Variants in NOL9 observed in about 807,000 individuals in gnomAD.
NOL9 encodes nucleolar protein 9.
Under a neutral mutation model 67.9 loss-of-function variants are expected in NOL9, and 28 were observed. The ratio of observed to expected loss-of-function variants is 0.41; its 90% confidence interval spans 0.31 to 0.57. NOL9 has a LOEUF of 0.57. NOL9 is among the 20% of genes least tolerant of loss of function. The pLI is 0.25. For missense variants in NOL9, 777 were observed against 897.0 expected (o/e 0.87, Z 1.71); for synonymous variants, 356 against 352.2 (o/e 1.01, Z -0.12).
intron 3 of NOL9, among the ~76,000 whole-genome samples, chr1:6,546,095 T>C (rs977982425): frequency 6.6e-6 from 1 of 152,020 alleles, no homozygotes; most frequent in Non-Finnish European, 1.5e-5. Flanking sequence ...ATCAAGAATA[T>C]CTAACAAAAT....
Position 6,554,495 on chromosome 1 carries a change from T to A in NOL9, c.8A>T (p.Asp3Val), listed in dbSNP as rs746683002. MA[D>V]SGLLLKRGSC... ...ACCCCGCTTTAGCAGCAGTCCCGAG[T>A]CCGCCATGCTGGGTCCTCAGGGCCT... Residue 3 changes from aspartate (D) to valine (V), a missense_variant, in exon 1 of 12, where the codon GAC becomes GTC. This residue lies in a region of NOL9 where 364 missense variants were observed against 344.4 expected (regional missense o/e 1.06). Transcript: ENST00000377705. 6.5e-7 allele frequency: 1 copy of A among 1,537,844 alleles called. No homozygotes were observed.
intron 3 of NOL9, chr1:6,547,972 C>T (rs569144521): frequency 5.1e-5 from 14 of 274,270 alleles, no homozygotes; most frequent in Admixed American, 4.4e-4. Flanking sequence ...CTACAATACA[C>T]CGTCATAGGC....
intron 11 of NOL9, 133 bp downstream of exon 11, chr1:6,526,563 C>G (rs1638889296): frequency 1.1e-6 from 1 of 900,284 alleles, no homozygotes; most frequent in East Asian, 2.5e-5. Context: ...ACCGTCTCGG[C>G]TCACTCAGGA....
chr1:6,553,576 TC>T (rs1639591473), intron 1 of NOL9, among the ~76,000 whole-genome samples: 1 of 151,994 alleles, frequency 6.6e-6, no homozygotes, highest in Non-Finnish European at 1.5e-5. Flanking sequence ...GTGCGGTGGT[TC>T]ACACCTGTAA....
At chr1:6,548,265 A>G (rs1281137038) in intron 3 of NOL9, 1 of 150,084 alleles carries the variant, frequency 6.7e-6, no homozygotes, top group Non-Finnish European at 1.4e-5. Context: ...CTCCCGCCTC[A>G]CCTCTGGAGT....
intron 1 of NOL9, among the ~76,000 whole-genome samples, chr1:6,553,026 G>A (rs757197221): frequency 1.3e-5 from 2 of 152,140 alleles, no homozygotes; most frequent in South Asian, 4.1e-4. Context: ...TGGTCAGGCT[G>A]GTCTCAAACT....
At chr1:6,549,775 C>T (rs1639502276) in intron 2 of NOL9, 77 bp from the exon 3 acceptor site, 7 of 1,556,142 alleles carry the variant, frequency 4.5e-6, no homozygotes, top group South Asian at 3.4e-5. Context: ...GCCATCTCCT[C>T]GGCTAAACTA....
At position 6,554,292 on chromosome 1, in the gene NOL9, G is replaced by T; in HGVS notation, c.211C>A (p.Arg71Ser). The change falls in exon 1 of 12, where the codon CGC (arginine) becomes AGC (serine). Residue 71 changes from arginine (R) to serine (S), a missense_variant. Transcript: ENST00000377705. ...DWREGARQVS[R>S]AAAARRPNTA... ...TTGGGTCTCCGGGCCGCCGCCGCGC[G>T]CGACACCTGGCGGGCTCCCTCCCTC... 1 of 1,474,780 alleles carries T rather than the reference G, an allele frequency of 6.8e-7. No homozygotes were observed. The highest frequency in any genetic ancestry group is 1.5e-5 in the African/African-American group (1 of 67,806). The allele number at this position is 1,474,780 out of a possible 1,614,324, so 91.4% of individuals were successfully genotyped here.
Position 6,532,428 on chromosome 1 carries a change from A to G in NOL9, c.1535+35T>C. 4 of 1,577,728 alleles carry G rather than the reference A, an allele frequency of 2.5e-6. 1 individual carries two copies. The South Asian group carries it at 4.7e-5, about 19-fold the overall frequency. On this transcript the variant is annotated intron_variant, in intron 8 of 11. Coordinates refer to ENST00000377705, the MANE Select transcript of NOL9 (RefSeq NM_024654.5). ...ATGGCAGGTCTTTTTCGACGGAAGG[A>G]AAAATAATTCTTCAGCCAAATGAGG...
intron 9 of NOL9, among the ~76,000 whole-genome samples, chr1:6,530,269 A>G (rs1358149160): frequency 6.6e-6 from 1 of 152,172 alleles, no homozygotes. Context: ...CCTGGCTAAC[A>G]TGGTGAAACC....
At chr1:6,542,898 T>C (rs2148658742) in intron 5 of NOL9, among the ~76,000 whole-genome samples, 1 of 151,974 alleles carries the variant, frequency 6.6e-6, no homozygotes, top group Middle Eastern at 3.4e-3. Context: ...CCATTTTTCA[T>C]ATAAGTTTAT....
At chr1:6,537,991 CAAAAAAAAAAAAA>C (rs35793215) in intron 6 of NOL9, among the ~76,000 whole-genome samples, 1 of 52,506 alleles carries the variant, frequency 1.9e-5, no homozygotes, top group Non-Finnish European at 3.4e-5. Flanking sequence ...GACTCCATCT[CAAAAAAAAAAAAA>C]AAAAAAAAAA....
In NOL9 at chr1:6,523,178, A is replaced by G. The variant is rs1230506022; in HGVS notation, c.*2676T>C. ...CTCTGTCTCAAAAAAAAAGAAAAAAAAAAAAGAATAGCTCCAATGGAGAAC... is the reference window on the plus strand; with the variant it reads ...CTCTGTCTCAAAAAAAAAGAAAAAAGAAAAAGAATAGCTCCAATGGAGAAC... On this transcript the variant is annotated 3_prime_UTR_variant, in exon 12 of 12. Coordinates refer to ENST00000377705, the MANE Select transcript of NOL9 (RefSeq NM_024654.5). 3 of 152,036 alleles carry G rather than the reference A, an allele frequency of 2.0e-5. No homozygotes were observed. Among genetic ancestry groups the G allele is most frequent in the Non-Finnish European group, 2.9e-5 (2 of 68,054 alleles). 9.4% of individuals were successfully genotyped at this position (152,036 alleles called of 1,614,324 possible).
At chr1:6,540,967 A>G (rs1210400893) in intron 6 of NOL9, 2 of 149,514 alleles carry the variant, frequency 1.3e-5, no homozygotes, top group South Asian at 2.1e-4. Flanking sequence ...AGAACTGTGG[A>G]TAACTGGTGA....
In NOL9 at chr1:6,532,688, T is replaced by G. The variant is rs1459568606; in HGVS notation, c.1310A>C (p.Asp437Ala). 4 of 1,614,176 alleles carry G rather than the reference T, an allele frequency of 2.5e-6. No homozygotes were observed. Among genetic ancestry groups the G allele is most frequent in the Non-Finnish European group, 3.4e-6 (4 of 1,180,026 alleles). The change falls in exon 8 of 12, where the codon GAC becomes GCC. Residue 437 changes from aspartate (D) to alanine (A), a missense_variant. Transcript: ENST00000377705. ...AAGGTCTGGCATATATTTACTGTGG[T>G]CAGAGCGGAACTGAACCACGTGGCT... ...SPSHVVQFRS[D>A]HSKYMPDLTP...
At chr1:6,549,540 T>C (rs963378812) in intron 3 of NOL9, 31 bp downstream of exon 3, 6 of 1,609,412 alleles carry the variant, frequency 3.7e-6, no homozygotes, top group South Asian at 2.2e-5. Context: ...TGCAAGTAAT[T>C]AGCAAAACTC....
chr1:6,545,293 C>CT (rs1198661857), intron 3 of NOL9, 113 bp from the exon 4 acceptor site: 20 of 1,066,404 alleles, frequency 1.9e-5, no homozygotes, highest in Non-Finnish European at 2.4e-5. Flanking sequence ...TGTTTCCTCC[C>CT]TTTGTCTCCT....
At chr1:6,534,123 G>A (rs975290115) in intron 6 of NOL9, among the ~76,000 whole-genome samples, 2 of 152,116 alleles carry the variant, frequency 1.3e-5, no homozygotes, top group Non-Finnish European at 1.5e-5. Context: ...CCAACCTCAG[G>A]TGATCCACCC....
intron 1 of NOL9, among the ~76,000 whole-genome samples, chr1:6,551,606 A>C (rs1639544207): frequency 6.6e-6 from 1 of 151,944 alleles, no homozygotes; most frequent in African/African-American, 2.4e-5. Context: ...AAAATAAATA[A>C]ATAAATAAAA....
Sources: allele counts gnomAD v4.1 joint callset (sites outside exome capture counted in the v4.1 genomes callset), GRCh38; gene constraint gnomAD v4.1.1; regional missense constraint gnomAD v4.1.1; transcripts MANE v1.5; gene names NCBI Gene and HGNC (gene_info 2026-07-23, HGNC 2026-07-21).